The following KIF13B variants were observed in gnomAD, a reference collection of about 807,000 sequenced individuals.
KIF13B encodes the protein kinesin-like protein KIF13B.
In KIF13B, 127 loss-of-function variants were observed where a neutral mutation model predicts 222.0. The ratio of observed to expected loss-of-function variants is 0.57; its 90% confidence interval spans 0.50 to 0.66. The LOEUF is 0.66. Ranked by LOEUF, KIF13B falls within the 30% of genes least tolerant of loss-of-function variation. The pLI is 0.00. For missense variants in KIF13B, 2,173 were observed against 2,379.0 expected, an observed-to-expected ratio of 0.91 and a Z score of 1.80; for synonymous variants, 976 against 919.0, an observed-to-expected ratio of 1.06 and a Z score of -1.12.
intron 24 of KIF13B, among the ~76,000 whole-genome samples, chr8:29,128,864 G>A (rs775381837): frequency 1.2e-4 from 19 of 152,222 alleles, no homozygotes; most frequent in African/African-American, 2.2e-4. Context: ...CCACGTTCCC[G>A]TTCAAGAACA....
chr8:29,118,245 C>G (rs1320880666), intron 30 of KIF13B, among the ~76,000 whole-genome samples: 1 of 151,382 alleles, frequency 6.6e-6, no homozygotes, highest in Non-Finnish European at 1.5e-5. Flanking sequence ...AATCCCAGCA[C>G]TTTGGGAGGC....
intron 2 of KIF13B, among the ~76,000 whole-genome samples, chr8:29,203,437 C>T (rs1813786926): frequency 6.6e-6 from 1 of 152,284 alleles, no homozygotes; most frequent in Admixed American, 6.5e-5. Context: ...CACTATCTTT[C>T]TTAAACAGCC....
intron 2 of KIF13B, among the ~76,000 whole-genome samples, chr8:29,221,129 G>T: frequency 7.6e-6 from 1 of 131,900 alleles, no homozygotes; most frequent in Non-Finnish European, 1.5e-5. Flanking sequence ...TTGAGATGGA[G>T]TCTCACTCTG....
chr8:29,114,393 C>T (rs1454871610), intron 31 of KIF13B, among the ~76,000 whole-genome samples: 1 of 152,196 alleles, frequency 6.6e-6, no homozygotes, highest in African/African-American at 2.4e-5. Flanking sequence ...TATAGCATCT[C>T]AGAATGCAGA....
chr8:29,141,941 A>C (rs1489666368), intron 19 of KIF13B, among the ~76,000 whole-genome samples: 1 of 152,218 alleles, frequency 6.6e-6, no homozygotes, highest in Non-Finnish European at 1.5e-5. Flanking sequence ...TAGAAATCTA[A>C]AAGACAGAAA....
At chr8:29,093,791 G>T (rs190474533) in intron 36 of KIF13B, among the ~76,000 whole-genome samples, 2 of 152,088 alleles carry the variant, frequency 1.3e-5, no homozygotes, top group Admixed American at 1.3e-4. Flanking sequence ...GTAATCATGA[G>T]GGCGACCACT....
At chr8:29,117,447 T>A (rs1809655445) in intron 30 of KIF13B, among the ~76,000 whole-genome samples, 4 of 152,152 alleles carry the variant, frequency 2.6e-5, no homozygotes, top group Admixed American at 2.6e-4. Context: ...CACTATTATT[T>A]AATATAAAAT....
chr8:29,226,475 T>C (rs576698190), intron 2 of KIF13B, among the ~76,000 whole-genome samples: 2 of 152,252 alleles, frequency 1.3e-5, no homozygotes, highest in African/African-American at 4.8e-5. Context: ...TTGAAGGTCA[T>C]TGTTTAGGAG....
chr8:29,203,457 C>G (rs1251207684), intron 2 of KIF13B, among the ~76,000 whole-genome samples: 1 of 152,202 alleles, frequency 6.6e-6, no homozygotes, highest in Non-Finnish European at 1.5e-5. Context: ...CTATGTTACT[C>G]TCGAAGAAGT....
In KIF13B at chr8:29,140,122, C is replaced by CG. The variant is rs1563733946; in HGVS notation, c.2553dup (p.Asp852ArgfsTer2). ...TCAAAGGAGACCTCTGCCACCTCAT[C>CG]GCCTCCTGCGATCCTCTCCCCAACA... On this transcript the variant is annotated frameshift_variant, in exon 21 of 40. Transcript: ENST00000524189. LOFTEE classifies it high-confidence loss of function. 6.2e-7 allele frequency: 1 copy of CG among 1,612,732 alleles called. No individual in the cohort carries two copies. The highest frequency in any genetic ancestry group is 8.5e-7 in the Non-Finnish European group (1 of 1,179,390).
intron 21 of KIF13B, among the ~76,000 whole-genome samples, chr8:29,136,495 A>C (rs772845619): frequency 4.8e-4 from 73 of 152,044 alleles, no homozygotes; most frequent in Non-Finnish European, 9.7e-4. Flanking sequence ...CAGGAGAATC[A>C]CTTGAATCCG....
intron 3 of KIF13B, among the ~76,000 whole-genome samples, chr8:29,191,715 A>T (rs1813197935): frequency 6.6e-6 from 1 of 152,238 alleles, no homozygotes; most frequent in Admixed American, 6.5e-5. Flanking sequence ...ACCACTTTCT[A>T]GAATATCACA....
chr8:29,190,985 G>C lies in KIF13B; in HGVS notation c.223+12C>G. ...CACCATCAGTAGTTGACAGGATGCT[G>C]GATTCTATTACCTGCATACTTTTCT... On this transcript the variant is annotated intron_variant, in intron 4 of 39. Coordinates refer to ENST00000524189, the MANE Select transcript of KIF13B (RefSeq NM_015254.4). 6.2e-7 allele frequency: 1 copy of C among 1,607,048 alleles called. No individual in the cohort carries two copies. Among genetic ancestry groups the C allele is most frequent in the South Asian group, 1.1e-5 (1 of 90,920 alleles).
At chr8:29,104,879 G>C (rs1040214136) in intron 35 of KIF13B, among the ~76,000 whole-genome samples, 1 of 152,112 alleles carries the variant, frequency 6.6e-6, no homozygotes, top group East Asian at 1.9e-4. Context: ...CGAGTAGCTG[G>C]GACTACAGGT....
chr8:29,253,537 C>G (rs982863758), intron 1 of KIF13B, among the ~76,000 whole-genome samples: 1 of 152,046 alleles, frequency 6.6e-6, no homozygotes, highest in Non-Finnish European at 1.5e-5. Flanking sequence ...GCCTGGGCAA[C>G]AGAATGAGAC....
intron 37 of KIF13B, among the ~76,000 whole-genome samples, chr8:29,080,002 C>A (rs906211737): frequency 2.0e-5 from 3 of 152,146 alleles, no homozygotes; most frequent in African/African-American, 7.2e-5. Context: ...AAGGAAACAC[C>A]TGCTAACCTC....
chr8:29,215,772 T>C (rs1316494759), intron 2 of KIF13B, among the ~76,000 whole-genome samples: 1 of 152,230 alleles, frequency 6.6e-6, no homozygotes, highest in African/African-American at 2.4e-5. Context: ...AATCTTTGAA[T>C]GCTTGAAGGA....
intron 32 of KIF13B, among the ~76,000 whole-genome samples, chr8:29,111,480 TTA>T (rs1474069984): frequency 2.6e-5 from 4 of 152,242 alleles, no homozygotes; most frequent in African/African-American, 7.2e-5. Context: ...ACAATCAGCT[TTA>T]TGTTTCATTT....
At chr8:29,212,710 C>T (rs1190465400) in intron 2 of KIF13B, among the ~76,000 whole-genome samples, 1 of 151,708 alleles carries the variant, frequency 6.6e-6, no homozygotes, top group African/African-American at 2.4e-5. Context: ...AAAAGTAGAA[C>T]AGCTGGGTCA....
Sources: allele counts gnomAD v4.1 joint callset (sites outside exome capture counted in the v4.1 genomes callset), GRCh38; gene constraint gnomAD v4.1.1; transcripts MANE v1.5; gene names NCBI Gene and HGNC (gene_info 2026-07-23, HGNC 2026-07-21).